Variants in COL4A2 observed in about 807,000 individuals in gnomAD.
COL4A2 encodes the protein collagen type IV alpha 2 chain, also known as collagen alpha-2(IV) chain.
Under a neutral mutation model 200.2 loss-of-function variants are expected in COL4A2, and 99 were observed. The observed-to-expected ratio is 0.49, with a 90% CI of 0.42 to 0.58. The LOEUF (loss-of-function observed/expected upper bound fraction) is 0.58, where lower values mean the gene tolerates loss of function less well. Ranked by LOEUF, COL4A2 falls within the 20% of genes least tolerant of loss-of-function variation. The pLI, the probability that COL4A2 is intolerant of heterozygous loss-of-function variation, is 0.00. For missense variants in COL4A2, 1,950 were observed against 2,314.1 expected, an observed-to-expected ratio of 0.84 and a Z score of 3.23; for synonymous variants, 897 against 900.6, an observed-to-expected ratio of 1.00 and a Z score of 0.07.
chr13:110,477,016 A>G (rs1055818702), intron 29 of COL4A2, among the ~76,000 whole-genome samples: 7 of 152,230 alleles, frequency 4.6e-5, no homozygotes, highest in Non-Finnish European at 1.0e-4. Flanking sequence ...GAGGAATACT[A>G]AAATCTATCA....
rs1884836447 is a variant in COL4A2 at position 110,307,901 on chromosome 13, A to C, written c.-3A>C. ...CGGGGCCCAGAGTGGACGAACCGCC[A>C]GCATGGGGAGAGACCAGCGCGCGGT... On this transcript the variant is annotated 5_prime_UTR_variant, in exon 2 of 48. Transcript: ENST00000360467. The surrounding 1 kb of genome is among the most constrained non-coding windows in gnomAD (Gnocchi z 5.0). 5 of 1,612,218 alleles carry C rather than the reference A, an allele frequency of 3.1e-6. No individual in the cohort carries two copies. Among genetic ancestry groups the C allele is most frequent in the Non-Finnish European group, 4.2e-6 (5 of 1,179,314 alleles).
At chr13:110,433,406 T>C (rs138056921) in intron 11 of COL4A2, among the ~76,000 whole-genome samples, 6 of 152,014 alleles carry the variant, frequency 3.9e-5, no homozygotes, top group Non-Finnish European at 5.9e-5. Context: ...ACCAAGTCAC[T>C]TCCTGGTGAC....
intron 3 of COL4A2, among the ~76,000 whole-genome samples, chr13:110,335,635 A>G (rs566685986): frequency 1.3e-5 from 2 of 152,098 alleles, no homozygotes; most frequent in African/African-American, 2.4e-5. Flanking sequence ...TTGGTGCCCA[A>G]AGTGGTGACT....
chr13:110,479,107 T>C (rs949911879), intron 30 of COL4A2, among the ~76,000 whole-genome samples: 1 of 152,330 alleles, frequency 6.6e-6, no homozygotes, highest in Non-Finnish European at 1.5e-5. Flanking sequence ...GTAGCAAACC[T>C]GGACCGGAGG....
At chr13:110,414,313 A>G (rs1447985394) in intron 4 of COL4A2, among the ~76,000 whole-genome samples, 1 of 152,218 alleles carries the variant, frequency 6.6e-6, no homozygotes, top group Non-Finnish European at 1.5e-5. Context: ...CACATGAAAA[A>G]ATTAAAAAGA....
At chr13:110,356,095 GC>G (rs11318641) in intron 3 of COL4A2, among the ~76,000 whole-genome samples, 91,450 of 151,990 alleles carry the variant, frequency 0.6, 28,118 homozygotes, top group East Asian at 0.7. Context: ...TTGTCCAGTA[GC>G]CCAATCTCCA....
At chr13:110,467,490 T>G (rs1882291179) in intron 27 of COL4A2, among the ~76,000 whole-genome samples, 1 of 152,264 alleles carries the variant, frequency 6.6e-6, no homozygotes, top group Non-Finnish European at 1.5e-5. Context: ...ATTTGGGTTT[T>G]GATTAACAGG....
chr13:110,476,430 G>A lies in COL4A2; in HGVS notation c.2426-1573G>A, dbSNP rs183143443. Among the ~76,000 whole-genome samples, 3 of 152,356 alleles carry A rather than the reference G, an allele frequency of 2.0e-5. No individual in the cohort carries two copies. The East Asian group carries it at 5.8e-4, about 29-fold the overall frequency. ...GAATCTCATTTCAGACCTCGGCTTC[G>A]AGTGCGCCTCCTGCTCAGTCAGCCC... On this transcript the variant is annotated intron_variant, in intron 29 of 47. Transcript: ENST00000360467.
chr13:110,414,746 T>A (rs149656229), intron 4 of COL4A2, among the ~76,000 whole-genome samples: 63 of 152,354 alleles, frequency 4.1e-4, no homozygotes, highest in African/African-American at 1.3e-3. Context: ...GCTATCACTG[T>A]CTATAATCTG....
At chr13:110,378,856 T>C (rs570775505) in intron 4 of COL4A2, among the ~76,000 whole-genome samples, 2 of 152,206 alleles carry the variant, frequency 1.3e-5, no homozygotes, top group South Asian at 4.2e-4. Flanking sequence ...CTCCACAATG[T>C]GATCATGGTG....
In COL4A2 at chr13:110,307,940, C is replaced by G. The variant is rs773108336; in HGVS notation, c.37C>G (p.Leu13Val). 5 of 1,612,956 alleles carry G rather than the reference C, an allele frequency of 3.1e-6. No individual in the cohort carries two copies. The East Asian group carries it at 8.9e-5, about 29-fold the overall frequency. ...CCAGCGCGCGGTGGCCGGCCCTGCCCTACGGCGGTAAGCGACTTTCTGCCT... is the reference window on the plus strand; with the variant it reads ...CCAGCGCGCGGTGGCCGGCCCTGCCGTACGGCGGTAAGCGACTTTCTGCCT... Reference protein sequence around the residue: ...RDQRAVAGPALRRWLLLGTVT... With the variant: ...RDQRAVAGPAVRRWLLLGTVT... The change falls in exon 2 of 48, where the codon CTA becomes GTA. Residue 13 changes from leucine (L) to valine (V), a missense_variant. By Grantham distance (32) the Leu-to-Val change is conservative (BLOSUM62 1). Around this residue, in one of 2 missense-constraint regions of COL4A2, gnomAD observed 565 missense variants for 593.5 expected, o/e 0.95. Transcript: ENST00000360467. This position sits in a 1 kb window ranked among gnomAD's most constrained non-coding sequence, Gnocchi z 5.0.
chr13:110,470,743 T>C (rs1278200917), intron 28 of COL4A2, among the ~76,000 whole-genome samples: 7 of 152,202 alleles, frequency 4.6e-5, no homozygotes, highest in Non-Finnish European at 1.0e-4. Context: ...TGAAGACTAA[T>C]TGAACCCTGC....
At chr13:110,339,525 A>C (rs1183976154) in intron 3 of COL4A2, among the ~76,000 whole-genome samples, 2 of 152,182 alleles carry the variant, frequency 1.3e-5, no homozygotes, top group Non-Finnish European at 2.9e-5. Context: ...GAGGGAGTGC[A>C]TGTCAGCCTC....
At chr13:110,473,255 C>G in intron 29 of COL4A2, 105 bp downstream of exon 29, 2 of 1,081,426 alleles carry the variant, frequency 1.8e-6, no homozygotes, top group Admixed American at 2.6e-5. Flanking sequence ...CAGCGGTGCC[C>G]TATAGTGCTA....
chr13:110,374,669 C>T (rs1222222221), intron 4 of COL4A2, among the ~76,000 whole-genome samples: 3 of 152,158 alleles, frequency 2.0e-5, no homozygotes, highest in Non-Finnish European at 2.9e-5. Flanking sequence ...TCTTTGAAAA[C>T]CAGAAAGGTT....
chr13:110,344,278 G>A (rs1273993650), intron 3 of COL4A2, among the ~76,000 whole-genome samples: 1 of 152,024 alleles, frequency 6.6e-6, no homozygotes, highest in Non-Finnish European at 1.5e-5. Flanking sequence ...TCTCAACACG[G>A]AGACAGAACA....
intron 27 of COL4A2, 109 bp downstream of exon 27, chr13:110,467,205 C>A: frequency 7.1e-7 from 1 of 1,411,394 alleles, no homozygotes; most frequent in South Asian, 1.3e-5. Context: ...CCACCCCAGA[C>A]ATGGTCGTGT....
Position 110,369,413 on chromosome 13 carries a change from G to A in COL4A2, c.180+11861G>A, listed in dbSNP as rs183666971. Among the ~76,000 whole-genome samples, 50 of 152,142 alleles carry A rather than the reference G, an allele frequency of 3.3e-4. No homozygotes were observed. In the South Asian group the frequency reaches 7.5e-3, roughly 23 times the overall value. Reference sequence around the variant, plus strand: ...TTAGGGTTGCTCAACCAGTAAGTATGTGCAGATATTTGAAAATTCAAAAAA... The same window carrying A: ...TTAGGGTTGCTCAACCAGTAAGTATATGCAGATATTTGAAAATTCAAAAAA... On this transcript the variant is annotated intron_variant, in intron 4 of 47. Coordinates refer to ENST00000360467, the MANE Select transcript of COL4A2 (RefSeq NM_001846.4).
chr13:110,439,015 G>A (rs1881023844), intron 15 of COL4A2, among the ~76,000 whole-genome samples: 1 of 152,238 alleles, frequency 6.6e-6, no homozygotes, highest in Admixed American at 6.5e-5. Context: ...AACCAGAAAT[G>A]TAGAATATCT....
Sources: gnomAD v4.1 joint callset for allele counts (sites outside exome capture counted in the v4.1 genomes callset) on GRCh38, gnomAD v4.1.1 for gene constraint, gnomAD v4.1.1 regional missense constraint, Gnocchi (gnomAD v3.1) non-coding constraint, MANE v1.5 for transcripts, NCBI Gene and HGNC (gene_info 2026-07-23, HGNC 2026-07-21) for gene names.